Variants in DNAJB6 observed in about 807,000 individuals in gnomAD.
DNAJB6 encodes the protein dnaJ homolog subfamily B member 6.
Under a neutral mutation model 42.7 loss-of-function variants are expected in DNAJB6, and 16 were observed. The ratio of observed to expected loss-of-function variants is 0.37; its 90% CI spans 0.25 to 0.57. The LOEUF (loss-of-function observed/expected upper bound fraction) is 0.57, where lower values mean the gene tolerates loss of function less well. Ranked by LOEUF, DNAJB6 falls within the 20% of genes least tolerant of loss-of-function variation. The probability of loss-of-function intolerance (pLI) is 0.74; values close to 1 mark genes in which losing one functional copy is unlikely to be tolerated. For missense variants in DNAJB6, 347 were observed against 416.8 expected, an observed-to-expected ratio of 0.83 and a Z score of 1.46; for synonymous variants, 170 against 163.5, an observed-to-expected ratio of 1.04 and a Z score of -0.30.
chr7:157,403,831 C>T (rs1795636554), intron 8 of DNAJB6, among the ~76,000 whole-genome samples: 1 of 152,268 alleles, frequency 6.6e-6, no homozygotes, highest in Admixed American at 6.5e-5. Context: ...GCAGCCCACC[C>T]TGTGTGGACT....
chr7:157,356,654 A>G (rs1488958183), intron 1 of DNAJB6, among the ~76,000 whole-genome samples: 1 of 152,216 alleles, frequency 6.6e-6, no homozygotes, highest in Non-Finnish European at 1.5e-5. Context: ...TTCTCCAATT[A>G]ATATTTTATC....
chr7:157,374,719 A>G (rs911646645), intron 5 of DNAJB6, among the ~76,000 whole-genome samples: 2 of 152,254 alleles, frequency 1.3e-5, no homozygotes, highest in Admixed American at 6.5e-5. Context: ...GTTCCTGGAA[A>G]CGGTCATTTT....
Position 157,410,002 on chromosome 7 carries a change from G to A in DNAJB6, c.898+1G>A. The A allele has an allele frequency of 1.3e-6, 2 of 1,527,146 alleles. No homozygotes were observed. The highest frequency in any genetic ancestry group is 1.8e-6 in the Non-Finnish European group (2 of 1,139,822). 94.6% of individuals were successfully genotyped at this position (1,527,146 alleles called of 1,614,324 possible). A position where few individuals can be genotyped will look rare whatever the true frequency, so the allele number is the denominator to read the frequency against. On this transcript the variant is annotated splice_donor_variant, in intron 9 of 9. Coordinates refer to ENST00000262177, the MANE Select transcript of DNAJB6 (RefSeq NM_058246.4). LOFTEE classifies it high-confidence loss of function. ...TGGGACCCCCTCGCGTCCGCAGCAG[G>A]TGTGCAAAGGGAGGCAGCCGTGGAG...
At chr7:157,364,982 C>T (rs1441911756) in intron 3 of DNAJB6, among the ~76,000 whole-genome samples, 1 of 152,224 alleles carries the variant, frequency 6.6e-6, no homozygotes, top group Admixed American at 6.5e-5. Flanking sequence ...GAAGGGGTCT[C>T]ACTCTGTTGC....
At chr7:157,361,576 T>C (rs1400945539) in intron 2 of DNAJB6, among the ~76,000 whole-genome samples, 1 of 152,228 alleles carries the variant, frequency 6.6e-6, no homozygotes, top group Non-Finnish European at 1.5e-5. Flanking sequence ...GTAAGTTAAA[T>C]TGAGCCACAA....
At chr7:157,380,498 G>C (rs1391570525) in intron 5 of DNAJB6, 1 of 152,192 alleles carries the variant, frequency 6.6e-6, no homozygotes, top group Admixed American at 6.5e-5. Flanking sequence ...ATGGGTGGGG[G>C]GCATTGACTG....
chr7:157,339,577 G>A (rs1798236724), intron 1 of DNAJB6, among the ~76,000 whole-genome samples: 1 of 151,064 alleles, frequency 6.6e-6, no homozygotes, highest in South Asian at 2.1e-4. Context: ...GGGATTACAG[G>A]CATGAGCCAC....
At chr7:157,369,325 G>A (rs778797670) in intron 5 of DNAJB6, 14 of 456,620 alleles carry the variant, frequency 3.1e-5, no homozygotes, top group Admixed American at 9.4e-5. Context: ...GCATCTTGCT[G>A]TAGCCTTCAG....
chr7:157,356,050 G>A (rs183667061), intron 1 of DNAJB6, among the ~76,000 whole-genome samples: 96 of 152,354 alleles, frequency 6.3e-4, no homozygotes, highest in African/African-American at 2.3e-3. Flanking sequence ...GGACTTGCGA[G>A]GGCATGTGTG....
At chr7:157,407,734 A>T (rs1163067360) in intron 8 of DNAJB6, among the ~76,000 whole-genome samples, 1 of 152,114 alleles carries the variant, frequency 6.6e-6, no homozygotes, top group South Asian at 2.1e-4. Context: ...CGAAGGTCAG[A>T]TCTGGAAGCC....
chr7:157,390,400 T>C (rs539466958), intron 8 of DNAJB6, among the ~76,000 whole-genome samples: 16 of 152,270 alleles, frequency 1.1e-4, no homozygotes, highest in Non-Finnish European at 1.9e-4. Context: ...GTTAGGTTGG[T>C]TTCTCTCTTA....
intron 8 of DNAJB6, among the ~76,000 whole-genome samples, chr7:157,408,996 C>T (rs1038288379): frequency 6.6e-6 from 1 of 152,244 alleles, no homozygotes; most frequent in Non-Finnish European, 1.5e-5. Context: ...CGCACACTTG[C>T]TCCTGGAGCT....
intron 1 of DNAJB6, among the ~76,000 whole-genome samples, chr7:157,353,830 T>G (rs1204958511): frequency 2.1e-5 from 3 of 144,342 alleles, no homozygotes; most frequent in Non-Finnish European, 4.4e-5. Context: ...GCACAGCTAC[T>G]TAAATTTTTT....
Position 157,384,877 on chromosome 7 carries a change from A to T in DNAJB6, c.489A>T (p.Ser163=). ...TCTGTTTTCCTGTAGGATTTACTTC[A>T]TTTGGGTCACTAGGTCACGGGGGCC... is the stretch of plus-strand genomic sequence containing the variant. The part of the protein sequence containing the change: ...GFSSFDTGFT[S]FGSLGHGGLT... The change falls in exon 7 of 10, where the codon TCA becomes TCT. Residue 163 remains serine, a synonymous_variant. Transcript: ENST00000262177. 1 of 1,611,982 alleles carries T rather than the reference A, an allele frequency of 6.2e-7. No individual in the cohort carries two copies. The highest frequency in any genetic ancestry group is 8.5e-7 in the Non-Finnish European group (1 of 1,179,504).
At chr7:157,372,861 GTTC>G (rs1346908239) in intron 5 of DNAJB6, among the ~76,000 whole-genome samples, 2 of 152,176 alleles carry the variant, frequency 1.3e-5, no homozygotes, top group Admixed American at 6.5e-5. Flanking sequence ...TTCCCCAGCT[GTTC>G]TTCTCCCTAC....
chr7:157,380,493 T>G (rs1447285368), intron 5 of DNAJB6: 1 of 152,150 alleles, frequency 6.6e-6, no homozygotes, highest in African/African-American at 2.4e-5. Context: ...TTTTTATGGG[T>G]GGGGGGCATT....
intron 3 of DNAJB6, among the ~76,000 whole-genome samples, chr7:157,364,673 C>T (rs1017139668): frequency 1.3e-5 from 2 of 152,178 alleles, no homozygotes; most frequent in Admixed American, 6.5e-5. Context: ...TTGCCAGATT[C>T]AGGATTTTAG....
At chr7:157,371,591 C>G (rs1398798324) in intron 5 of DNAJB6, among the ~76,000 whole-genome samples, 1 of 152,246 alleles carries the variant, frequency 6.6e-6, no homozygotes. Context: ...AATGCTGCCT[C>G]TGAATTGGAG....
intron 5 of DNAJB6, among the ~76,000 whole-genome samples, chr7:157,374,873 A>G (rs568786049): frequency 2.6e-5 from 4 of 152,266 alleles, no homozygotes; most frequent in South Asian, 2.1e-4. Context: ...AGGTCTTTGT[A>G]TAGTGTTTGG....
Sources: allele counts gnomAD v4.1 joint callset (sites outside exome capture counted in the v4.1 genomes callset), GRCh38; gene constraint gnomAD v4.1.1; transcripts MANE v1.5; gene names NCBI Gene and HGNC (gene_info 2026-07-23, HGNC 2026-07-21).